KAZN: variants seen among roughly 807,000 people sequenced by gnomAD.
KAZN encodes kazrin.
Under a neutral mutation model 87.4 loss-of-function variants are expected in KAZN, and 40 were observed. The observed-to-expected ratio is 0.46, with a 90% confidence interval of 0.36 to 0.60. The LOEUF (loss-of-function observed/expected upper bound fraction) is 0.60, where lower values mean the gene tolerates loss of function less well. Among genes scored for constraint, KAZN ranks in the 20% least tolerant of loss-of-function variants. The pLI is 0.00. For missense variants in KAZN, 898 were observed against 1,073.9 expected (o/e 0.84, Z 2.29); for synonymous variants, 466 against 458.3 (o/e 1.02, Z -0.22).
chr1:14,574,678 C>T (rs1675072127), intron 2 of KAZN, among the ~76,000 whole-genome samples: 1 of 152,154 alleles, frequency 6.6e-6, no homozygotes, highest in Non-Finnish European at 1.5e-5. Flanking sequence ...GACTAATACA[C>T]CTACATTCAT....
chr1:14,529,785 ATT>A (rs1672111666), intron 2 of KAZN, among the ~76,000 whole-genome samples: 1 of 152,212 alleles, frequency 6.6e-6, no homozygotes, highest in East Asian at 1.9e-4. Context: ...GGACCAGGGC[ATT>A]GCAAGCCCTG....
intron 1 of KAZN, among the ~76,000 whole-genome samples, chr1:14,881,057 G>A (rs968246383): frequency 3.9e-5 from 6 of 152,210 alleles, no homozygotes; most frequent in Non-Finnish European, 7.3e-5. Context: ...GTGAAGTGCT[G>A]TGGGCACAGG....
chr1:14,976,441 G>T (rs534592856), intron 2 of KAZN, among the ~76,000 whole-genome samples: 1 of 152,160 alleles, frequency 6.6e-6, no homozygotes, highest in Non-Finnish European at 1.5e-5. Flanking sequence ...CCTGAATTCC[G>T]GAGGAACTGC....
intron 2 of KAZN, among the ~76,000 whole-genome samples, chr1:14,248,533 CT>C (rs1649721847): frequency 6.6e-6 from 1 of 152,190 alleles, no homozygotes; most frequent in Admixed American, 6.5e-5. Flanking sequence ...AGTTCAGAAG[CT>C]GGGAAATGCT....
intron 2 of KAZN, 100 bp from the exon 3 acceptor site, chr1:15,034,649 C>G: frequency 7.2e-7 from 1 of 1,397,034 alleles, no homozygotes; most frequent in East Asian, 2.4e-5. Flanking sequence ...TGTTTTCTCA[C>G]CTGTTACAAA....
chr1:14,810,223 T>C (rs893683490), intron 1 of KAZN, among the ~76,000 whole-genome samples: 1 of 152,108 alleles, frequency 6.6e-6, no homozygotes, highest in Non-Finnish European at 1.5e-5. Flanking sequence ...CCGAGGTACC[T>C]TAGAGGGCAG....
chr1:14,965,540 G>T (rs1376355937), intron 2 of KAZN, among the ~76,000 whole-genome samples: 1 of 152,186 alleles, frequency 6.6e-6, no homozygotes, highest in South Asian at 2.1e-4. Context: ...TTTTGAGCGT[G>T]TTCCCACAAC....
At chr1:14,558,947 A>G (rs552916395) in intron 2 of KAZN, among the ~76,000 whole-genome samples, 3 of 152,224 alleles carry the variant, frequency 2.0e-5, no homozygotes, top group African/African-American at 7.2e-5. Context: ...CACCTTTCTC[A>G]TCTTTCCTCC....
chr1:15,081,670 G>A lies in KAZN; in HGVS notation c.1223-12510G>A, dbSNP rs1399818748. On this transcript the variant is annotated intron_variant, in intron 8 of 14. Coordinates refer to ENST00000376030, the MANE Select transcript of KAZN (RefSeq NM_201628.3). This position sits in a 1 kb window ranked among gnomAD's most constrained non-coding sequence, Gnocchi z 4.1. ...AATCAGTATTGAAACAGAGCCCTGA[G>A]CCTGTGTAAGCTTCACCAGGCAGAG... Among the ~76,000 whole-genome samples, 1 of 152,180 alleles carries A rather than the reference G, an allele frequency of 6.6e-6. No individual in the cohort carries two copies. Among genetic ancestry groups the A allele is most frequent in the African/African-American group, 2.4e-5 (1 of 41,436 alleles).
At chr1:14,454,088 G>A (rs1667431642) in intron 2 of KAZN, among the ~76,000 whole-genome samples, 1 of 152,164 alleles carries the variant, frequency 6.6e-6, no homozygotes, top group Admixed American at 6.5e-5. Flanking sequence ...AACCAATATA[G>A]GAAATCCTCC....
intron 2 of KAZN, among the ~76,000 whole-genome samples, chr1:14,365,363 C>CGG (rs754623672): frequency 4.3e-4 from 39 of 90,234 alleles, no homozygotes; most frequent in East Asian, 8.7e-4. Context: ...CCCCTCCCCC[C>CGG]GGGGTGGGGG....
At chr1:14,801,021 G>A (rs1336382827) in intron 1 of KAZN, among the ~76,000 whole-genome samples, 5 of 147,886 alleles carry the variant, frequency 3.4e-5, no homozygotes, top group East Asian at 2.0e-4. Flanking sequence ...TTAAAAGGGT[G>A]AATTTTATGA....
intron 2 of KAZN, among the ~76,000 whole-genome samples, chr1:14,402,499 T>C (rs984338796): frequency 6.6e-6 from 1 of 152,132 alleles, no homozygotes; most frequent in Non-Finnish European, 1.5e-5. Context: ...AATAGGAATA[T>C]ATATTATATT....
At chr1:14,869,943 C>T (rs1457210307) in intron 1 of KAZN, among the ~76,000 whole-genome samples, 5 of 152,322 alleles carry the variant, frequency 3.3e-5, no homozygotes, top group South Asian at 4.1e-4. Context: ...CCAACACCCA[C>T]CCCGGCATTA....
At chr1:14,114,291 T>C (rs781771212) in intron 1 of KAZN, among the ~76,000 whole-genome samples, 13 of 152,220 alleles carry the variant, frequency 8.5e-5, no homozygotes, top group Admixed American at 3.9e-4. Context: ...GGGGCCGGCA[T>C]TGGGGGGATC....
intron 2 of KAZN, among the ~76,000 whole-genome samples, chr1:14,414,455 C>T (rs1043388926): frequency 6.6e-6 from 1 of 150,864 alleles, no homozygotes; most frequent in African/African-American, 2.4e-5. Flanking sequence ...TAATGTCATA[C>T]AACAGTTAAA....
At chr1:14,903,258 A>T (rs1350363783) in intron 1 of KAZN, among the ~76,000 whole-genome samples, 1 of 152,196 alleles carries the variant, frequency 6.6e-6, no homozygotes, top group Non-Finnish European at 1.5e-5. Context: ...TAGCGTCTCC[A>T]TGCTTGTAAA....
intron 1 of KAZN, among the ~76,000 whole-genome samples, chr1:14,768,621 C>T (rs1644945507): frequency 6.6e-6 from 1 of 152,198 alleles, no homozygotes; most frequent in Non-Finnish European, 1.5e-5. Context: ...AGTGAGGGCA[C>T]AGTTTGAGCA....
At chr1:14,588,605 A>C (rs1675998193) in intron 2 of KAZN, among the ~76,000 whole-genome samples, 1 of 152,190 alleles carries the variant, frequency 6.6e-6, no homozygotes, top group African/African-American at 2.4e-5. Context: ...GAAGGGGGCA[A>C]ATATTTTTCT....
Sources: allele counts gnomAD v4.1 joint callset (sites outside exome capture counted in the v4.1 genomes callset), GRCh38; gene constraint gnomAD v4.1.1; non-coding constraint Gnocchi (gnomAD v3.1); transcripts MANE v1.5; gene names NCBI Gene and HGNC (gene_info 2026-07-23, HGNC 2026-07-21).